Variants in RUFY2 observed in about 807,000 individuals in gnomAD.
RUFY2 encodes RUN and FYVE domain containing 2.
RUFY2 carries 49 observed loss-of-function variants against 94.4 expected under a neutral mutation model. That is an observed-to-expected ratio of 0.52 (90% CI 0.41 to 0.66). The LOEUF (loss-of-function observed/expected upper bound fraction) is 0.66. Ranked by LOEUF, RUFY2 falls within the 30% of genes least tolerant of loss-of-function variation. The pLI is 0.00. For missense variants in RUFY2, 541 were observed against 692.8 expected, an observed-to-expected ratio of 0.78 and a Z score of 2.46; for synonymous variants, 255 against 235.7, an observed-to-expected ratio of 1.08 and a Z score of -0.75.
chr10:68,373,974 G>A (rs1422651625), intron 13 of RUFY2, among the ~76,000 whole-genome samples: 1 of 151,692 alleles, frequency 6.6e-6, no homozygotes, highest in Non-Finnish European at 1.5e-5. Flanking sequence ...AGTTAGCTGG[G>A]TATGGTGGCA....
chr10:68,345,741 C>T lies in RUFY2; in HGVS notation c.*27G>A, dbSNP rs761049520. 18 of 1,593,054 alleles carry T rather than the reference C, an allele frequency of 1.1e-5. No individual in the cohort carries two copies. The highest frequency in any genetic ancestry group is 1.7e-6 in the Non-Finnish European group (2 of 1,166,342). On this transcript the variant is annotated 3_prime_UTR_variant, in exon 18 of 18. Transcript: ENST00000602465. ...TCATAACATTCATTGTAGGTAATTT[C>T]ATACATAAGGATTTAGTTCTGGAGT... is the stretch of plus-strand genomic sequence containing the variant.
intron 5 of RUFY2, 86 bp from the exon 6 acceptor site, chr10:68,394,222 C>G: frequency 2.6e-6 from 4 of 1,559,552 alleles, no homozygotes; most frequent in Non-Finnish European, 3.5e-6. Context: ...CTTAATATTC[C>G]TTTAGTGTTT....
chr10:68,377,106 A>C, intron 12 of RUFY2, 134 bp from the exon 13 acceptor site: 1 of 1,516,874 alleles, frequency 6.6e-7, no homozygotes, highest in Non-Finnish European at 8.8e-7. Flanking sequence ...GGGAAAACTC[A>C]CAAACTCAAA....
chr10:68,370,456 T>TC (rs1407539292), intron 13 of RUFY2, among the ~76,000 whole-genome samples: 8 of 146,148 alleles, frequency 5.5e-5, no homozygotes, highest in Non-Finnish European at 1.2e-4. Context: ...TTCTTTTTTT[T>TC]TTTTTTTTTT....
At chr10:68,360,513 G>A (rs771102797) in intron 15 of RUFY2, among the ~76,000 whole-genome samples, 3 of 152,036 alleles carry the variant, frequency 2.0e-5, no homozygotes, top group East Asian at 1.9e-4. Context: ...GGAGGCCGAG[G>A]CGGGCAGATC....
intron 7 of RUFY2, among the ~76,000 whole-genome samples, chr10:68,392,717 T>C (rs991409272): frequency 5.3e-5 from 8 of 151,106 alleles, no homozygotes; most frequent in Admixed American, 3.3e-4. Context: ...GGTCAGGAGA[T>C]TGAGACCATC....
At chr10:68,381,634 C>G (rs1589907808) in intron 10 of RUFY2, among the ~76,000 whole-genome samples, 1 of 152,272 alleles carries the variant, frequency 6.6e-6, no homozygotes, top group African/African-American at 2.4e-5. Context: ...CACTTGAGGT[C>G]AGGAGTTCAA....
chr10:68,347,935 C>T (rs968023777), intron 16 of RUFY2, among the ~76,000 whole-genome samples: 3 of 152,028 alleles, frequency 2.0e-5, no homozygotes. Context: ...TTTCCAAAAG[C>T]AGAATTCTTT....
intron 16 of RUFY2, among the ~76,000 whole-genome samples, chr10:68,353,280 G>T (rs149830171): frequency 6.7e-6 from 1 of 150,146 alleles, no homozygotes; most frequent in Non-Finnish European, 1.5e-5. Context: ...GCAATGAGCC[G>T]AGATCGCGCC....
chr10:68,362,389 G>A (rs912229940), intron 15 of RUFY2, among the ~76,000 whole-genome samples: 1 of 152,100 alleles, frequency 6.6e-6, no homozygotes, highest in Non-Finnish European at 1.5e-5. Context: ...AAATGTGGCA[G>A]TGGTACATTC....
intron 15 of RUFY2, chr10:68,355,650 C>T: frequency 6.9e-6 from 2 of 290,056 alleles, no homozygotes; most frequent in South Asian, 6.9e-5. Context: ...TGCGGTGGCT[C>T]ATGCCTGTAA....
intron 8 of RUFY2, 64 bp from the exon 9 acceptor site, chr10:68,384,216 A>G (rs1274864947): frequency 6.6e-7 from 1 of 1,518,580 alleles, no homozygotes; most frequent in East Asian, 2.3e-5. Flanking sequence ...TTTGCAGGTT[A>G]TGTGCATGGC....
intron 7 of RUFY2, among the ~76,000 whole-genome samples, chr10:68,386,662 A>G (rs2132908024): frequency 6.6e-6 from 1 of 152,126 alleles, no homozygotes; most frequent in East Asian, 1.9e-4. Context: ...ATTTTTTTAC[A>G]TTGTCTTCTT....
intron 16 of RUFY2, chr10:68,346,459 G>T: frequency 5.7e-6 from 1 of 174,836 alleles, no homozygotes; most frequent in East Asian, 1.6e-4. Flanking sequence ...AATCAAGACT[G>T]CACATGATAA....
At chr10:68,402,038 G>T (rs2133225396) in intron 2 of RUFY2, among the ~76,000 whole-genome samples, 1 of 152,100 alleles carries the variant, frequency 6.6e-6, no homozygotes, top group Middle Eastern at 3.4e-3. Context: ...CAAAATAAAG[G>T]CTGGTGGCCC....
chr10:68,351,391 C>CT (rs1564778169), intron 16 of RUFY2, among the ~76,000 whole-genome samples: 1 of 151,574 alleles, frequency 6.6e-6, no homozygotes, highest in African/African-American at 2.4e-5. Flanking sequence ...CCGCCTTGGC[C>CT]TCCCAAAGTG....
intron 16 of RUFY2, among the ~76,000 whole-genome samples, chr10:68,354,721 T>C (rs2046925404): frequency 6.6e-6 from 1 of 152,214 alleles, no homozygotes; most frequent in Non-Finnish European, 1.5e-5. Flanking sequence ...CATGACTTGC[T>C]GAAAGTAAAA....
chr10:68,349,140 C>G (rs140768012), intron 16 of RUFY2, among the ~76,000 whole-genome samples: 1 of 152,280 alleles, frequency 6.6e-6, no homozygotes, highest in Non-Finnish European at 1.5e-5. Context: ...CCAACCAATA[C>G]ACACACAAGG....
chr10:68,379,681 G>A (rs1229859328), intron 11 of RUFY2, among the ~76,000 whole-genome samples, 160 bp from the exon 12 acceptor site: 2 of 152,092 alleles, frequency 1.3e-5, no homozygotes, highest in East Asian at 3.8e-4. Flanking sequence ...CTCCCAAGTA[G>A]AGTTCTGATC....
Sources: allele counts gnomAD v4.1 joint callset (sites outside exome capture counted in the v4.1 genomes callset), GRCh38; gene constraint gnomAD v4.1.1; transcripts MANE v1.5; gene names NCBI Gene and HGNC (gene_info 2026-07-23, HGNC 2026-07-21).